Variants in USP45 observed in about 807,000 individuals in gnomAD.
USP45 encodes the protein ubiquitin carboxyl-terminal hydrolase 45.
A neutral mutation model predicts 95.8 loss-of-function variants in USP45; 89 were observed. That is an observed-to-expected ratio of 0.93 (90% CI 0.78 to 1.11). The LOEUF (loss-of-function observed/expected upper bound fraction) is 1.11, where lower values mean the gene tolerates loss of function less well. USP45 is among the 50% of genes least tolerant of loss of function. The pLI is 0.00. For missense variants in USP45, 898 were observed against 942.5 expected, an observed-to-expected ratio of 0.95 and a Z score of 0.62; for synonymous variants, 281 against 316.2, an observed-to-expected ratio of 0.89 and a Z score of 1.18.
At chr6:99,508,869 C>A in intron 2 of USP45, 87 bp from the exon 3 acceptor site, 1 of 1,192,126 alleles carries the variant, frequency 8.4e-7, no homozygotes, top group Non-Finnish European at 1.1e-6. Flanking sequence ...GTATTAAATG[C>A]TGTTAACTAA....
intron 9 of USP45, among the ~76,000 whole-genome samples, chr6:99,474,155 G>T (rs1006990955): frequency 5.3e-5 from 8 of 152,098 alleles, no homozygotes; most frequent in Non-Finnish European, 8.8e-5. Context: ...ACTGGAAACT[G>T]GTCACTAGGA....
In USP45 at chr6:99,446,407, GAC is replaced by G; in HGVS notation, c.1363_1364del (p.Val455HisfsTer6). 1 of 1,614,060 alleles carries G rather than the reference GAC, an allele frequency of 6.2e-7. No individual in the cohort carries two copies. Among genetic ancestry groups the G allele is most frequent in the Non-Finnish European group, 8.5e-7 (1 of 1,180,016 alleles). On this transcript the variant is annotated frameshift_variant, in exon 14 of 18. Transcript: ENST00000500704. LOFTEE classifies it high-confidence loss of function. Reference sequence around the variant, plus strand: ...CAAGGTTTTCATTTTTCTGGTATGTGACAGTTTCTCCAGATGACAATTTTCTA... The same window carrying G: ...CAAGGTTTTCATTTTTCTGGTATGTGAGTTTCTCCAGATGACAATTTTCTA... ...CIRKLSSGET[V>X]TYQKNENLEM... is the part of the protein sequence containing the mutation.
At chr6:99,456,583 A>G (rs1785138555) in intron 13 of USP45, among the ~76,000 whole-genome samples, 1 of 152,174 alleles carries the variant, frequency 6.6e-6, no homozygotes, top group South Asian at 2.1e-4. Context: ...CTAAACATAA[A>G]TCATAAAGAT....
chr6:99,451,993 A>C (rs1040808665), intron 13 of USP45, among the ~76,000 whole-genome samples: 133 of 152,258 alleles, frequency 8.7e-4, no homozygotes, highest in Non-Finnish European at 1.5e-3. Context: ...AAAGCTGAAA[A>C]TGGATCCCTT....
At chr6:99,482,063 C>T (rs528629038) in intron 8 of USP45, among the ~76,000 whole-genome samples, 1 of 152,228 alleles carries the variant, frequency 6.6e-6, no homozygotes, top group South Asian at 2.1e-4. Context: ...TATAGATATA[C>T]AAAAACACAA....
At chr6:99,491,294 C>T (rs1397117492) in intron 5 of USP45, among the ~76,000 whole-genome samples, 2 of 152,114 alleles carry the variant, frequency 1.3e-5, no homozygotes, top group Non-Finnish European at 2.9e-5. Context: ...ATGAAAAAAG[C>T]CAGTCAGTAC....
intron 17 of USP45, 83 bp downstream of exon 17, chr6:99,437,163 A>G: frequency 1.4e-6 from 2 of 1,387,910 alleles, no homozygotes; most frequent in Non-Finnish European, 2.0e-6. Context: ...AGAGGCATCT[A>G]TGAAATAATA....
At chr6:99,493,499 T>C (rs1795645864) in intron 5 of USP45, among the ~76,000 whole-genome samples, 1 of 152,106 alleles carries the variant, frequency 6.6e-6, no homozygotes, top group South Asian at 2.1e-4. Flanking sequence ...TATGTATGTA[T>C]GTATGTATGT....
At chr6:99,466,895 T>A in intron 10 of USP45, 132 bp from the exon 11 acceptor site, 1 of 634,916 alleles carries the variant, frequency 1.6e-6, no homozygotes, top group Non-Finnish European at 2.7e-6. Context: ...TACATTTTAC[T>A]ATACATACAA....
At chr6:99,465,875 A>G (rs979614009) in intron 11 of USP45, among the ~76,000 whole-genome samples, 8 of 152,232 alleles carry the variant, frequency 5.3e-5, no homozygotes, top group African/African-American at 1.9e-4. Flanking sequence ...TTAAGTTGTT[A>G]AAGATGGCAT....
chr6:99,451,259 T>C (rs563282845), intron 13 of USP45, among the ~76,000 whole-genome samples: 297 of 152,354 alleles, frequency 1.9e-3, no homozygotes, highest in Non-Finnish European at 3.4e-3. Context: ...TGTTTGCAGA[T>C]GACATGACTG....
At chr6:99,450,619 G>A (rs1193949307) in intron 13 of USP45, among the ~76,000 whole-genome samples, 1 of 152,178 alleles carries the variant, frequency 6.6e-6, no homozygotes, top group African/African-American at 2.4e-5. Context: ...GGAGGAGCTG[G>A]TACCATTCCT....
chr6:99,446,731 A>G (rs1404773160), intron 13 of USP45, among the ~76,000 whole-genome samples: 1 of 152,138 alleles, frequency 6.6e-6, no homozygotes, highest in Non-Finnish European at 1.5e-5. Context: ...TATGAGGGAG[A>G]CTTTTTTCTT....
At position 99,468,636 on chromosome 6, in the gene USP45, T is replaced by C. The variant is rs1161452420; in HGVS notation, c.934-18A>G. ...TGTATTCGCTGTAAAACAAAGTTAA[T>C]AGATTCTGGTCTAATAATAGTTAAC... On this transcript the variant is annotated intron_variant, in intron 9 of 17. Transcript: ENST00000500704. 5 of 1,544,788 alleles carry C rather than the reference T, an allele frequency of 3.2e-6. No homozygotes were observed. In the South Asian group the frequency reaches 5.7e-5, roughly 18 times the overall value.
chr6:99,511,890 CAT>C (rs1172101589), intron 1 of USP45, among the ~76,000 whole-genome samples: 1 of 131,194 alleles, frequency 7.6e-6, no homozygotes, highest in South Asian at 2.3e-4. Context: ...TATATATACA[CAT>C]AGTTGAACTA....
intron 13 of USP45, chr6:99,460,789 C>T: frequency 6.1e-6 from 6 of 984,834 alleles, no homozygotes; most frequent in Non-Finnish European, 7.2e-6. Flanking sequence ...AGAGGCACAA[C>T]ACAGGTTTCA....
Position 99,508,411 on chromosome 6 carries a change from C to A in USP45, c.273+199G>T, listed in dbSNP as rs147225326. ...AATTACCTCTGCAAGTATTTATAAA[C>A]CACACCTGATTACTTTCTGAACATA... is the stretch of plus-strand genomic sequence containing the variant. On this transcript the variant is annotated intron_variant, in intron 3 of 17. Coordinates refer to ENST00000500704, the MANE Select transcript of USP45 (RefSeq NM_001346022.3). 1.3e-4 allele frequency among the ~76,000 whole-genome samples: 20 copies of A among 152,258 alleles called. 1 individual carries two copies. The East Asian group carries it at 3.9e-3, about 29-fold the overall frequency.
intron 4 of USP45, 115 bp from the exon 5 acceptor site, chr6:99,503,980 T>A: frequency 5.2e-5 from 29 of 554,180 alleles, no homozygotes; most frequent in Middle Eastern, 5.7e-4. Context: ...TGGGAGGGAA[T>A]ACAAAGGGGA....
At chr6:99,465,878 G>A (rs1030767090) in intron 11 of USP45, among the ~76,000 whole-genome samples, 22 of 152,134 alleles carry the variant, frequency 1.4e-4, no homozygotes, top group Non-Finnish European at 2.4e-4. Context: ...AGTTGTTAAA[G>A]ATGGCATTCA....
Sources: gnomAD v4.1 joint callset for allele counts (sites outside exome capture counted in the v4.1 genomes callset) on GRCh38, gnomAD v4.1.1 for gene constraint, MANE v1.5 for transcripts, NCBI Gene and HGNC (gene_info 2026-07-23, HGNC 2026-07-21) for gene names.